Variants in PRIMA1 observed in about 807,000 individuals in gnomAD.
PRIMA1 encodes the protein proline rich membrane anchor 1.
Under a neutral mutation model 17.5 loss-of-function variants are expected in PRIMA1, and 7 were observed. That is an observed-to-expected ratio of 0.40 (90% CI 0.23 to 0.75). PRIMA1 has a LOEUF of 0.75. Among genes scored for constraint, PRIMA1 ranks in the 30% least tolerant of loss-of-function variants. PRIMA1 has a pLI of 0.37. For missense variants in PRIMA1, 200 were observed against 201.8 expected (o/e 0.99, Z 0.05); for synonymous variants, 97 against 77.9 (o/e 1.25, Z -1.29).
rs1194309188 is a variant in PRIMA1, at chr14:93,787,758, A to G, written c.-31-9T>C. The stretch of plus-strand genomic sequence containing the variant: ...CCCGCTCCTGGGGCGAACTGTCAGG[A>G]GAGCAAGGCTAGGGTCAGGCGGACA... On this transcript the variant is annotated splice_polypyrimidine_tract_variant and intron_variant, in intron 1 of 4. Coordinates refer to ENST00000393140, the MANE Select transcript of PRIMA1 (RefSeq NM_178013.4). 7.2e-6 allele frequency: 11 copies of G among 1,537,450 alleles called. No individual in the cohort carries two copies. The highest frequency in any genetic ancestry group is 9.6e-6 in the Non-Finnish European group (11 of 1,145,072).
chr14:93,731,729 A>G lies in PRIMA1; in HGVS notation c.359+5512T>C, dbSNP rs541166372. ...TGTGTGTGCTTAATCTGCCTCCTCC[A>G]GCAGGAGGAGAACAGGGACTGTCTT... is the stretch of plus-strand genomic sequence containing the variant. On this transcript the variant is annotated intron_variant, in intron 4 of 4. Coordinates refer to ENST00000393140, the MANE Select transcript of PRIMA1 (RefSeq NM_178013.4). Among the ~76,000 whole-genome samples the G allele has an allele frequency of 5.8e-4, 88 of 152,280 alleles. 1 individual carries two copies. Among genetic ancestry groups the G allele is most frequent in the African/African-American group, 1.9e-3 (80 of 41,542 alleles).
chr14:93,741,260 T>C (rs1049803657), intron 3 of PRIMA1, among the ~76,000 whole-genome samples: 1 of 152,186 alleles, frequency 6.6e-6, no homozygotes, highest in Non-Finnish European at 1.5e-5. Flanking sequence ...GAGGTGTTAT[T>C]TCAGAAAAGA....
chr14:93,764,318 A>C (rs1884824062), intron 3 of PRIMA1, among the ~76,000 whole-genome samples: 1 of 65,772 alleles, frequency 1.5e-5, no homozygotes, highest in African/African-American at 6.3e-5. Flanking sequence ...ATCGTCTCCC[A>C]TCCCAGCCCA....
At chr14:93,780,371 TTCTC>T (rs1445626617) in intron 2 of PRIMA1, among the ~76,000 whole-genome samples, 1 of 152,222 alleles carries the variant, frequency 6.6e-6, no homozygotes, top group Non-Finnish European at 1.5e-5. Flanking sequence ...GCCTTGTTCC[TTCTC>T]TCTCACTATC....
At chr14:93,768,681 T>C (rs1884963630) in intron 3 of PRIMA1, among the ~76,000 whole-genome samples, 1 of 152,090 alleles carries the variant, frequency 6.6e-6, no homozygotes, top group Admixed American at 6.5e-5. Context: ...TAAATTAAAA[T>C]ATGTATAAAC....
At chr14:93,754,004 G>A (rs1011891297) in intron 3 of PRIMA1, among the ~76,000 whole-genome samples, 43 of 152,174 alleles carry the variant, frequency 2.8e-4, no homozygotes, top group African/African-American at 9.9e-4. Context: ...CTGAGCCTTC[G>A]CTAGGGTTTG....
chr14:93,746,417 T>G (rs1021169208), intron 3 of PRIMA1, among the ~76,000 whole-genome samples: 3 of 151,406 alleles, frequency 2.0e-5, no homozygotes, highest in African/African-American at 4.9e-5. Flanking sequence ...CGGCAGGGAG[T>G]TCATCATACA....
intron 4 of PRIMA1, among the ~76,000 whole-genome samples, chr14:93,734,255 C>T (rs993086752): frequency 6.6e-6 from 1 of 152,252 alleles, no homozygotes; most frequent in Non-Finnish European, 1.5e-5. Flanking sequence ...GCCTGCTTCA[C>T]GGGCTTTCTG....
At chr14:93,776,184 T>A (rs1885217353) in intron 3 of PRIMA1, among the ~76,000 whole-genome samples, 2 of 152,180 alleles carry the variant, frequency 1.3e-5, no homozygotes, top group African/African-American at 4.8e-5. Context: ...ACCGTCATCA[T>A]TTGAGACCAT....
In PRIMA1 at chr14:93,779,233, G is replaced by GGGGGGGGGGGGGGGGGGGGGA; in HGVS notation, c.171_172insTCCCCCCCCCCCCCCCCCCCC (p.Pro57_Pro58insSerProProProProProPro). Reference sequence around the variant, plus strand: ...GGTGGGGGCGGCGGGGGCAGCGGGGGAGGGGGCCGGCACTGGCAGACGTGT... The same window carrying GGGGGGGGGGGGGGGGGGGGGA: ...GGTGGGGGCGGCGGGGGCAGCGGGGGGGGGGGGGGGGGGGGGGGGGAAGGGGGCCGGCACTGGCAGACGTGT... On this transcript the variant is annotated inframe_insertion, in exon 3 of 5. Transcript: ENST00000393140. 2.7e-6 allele frequency: 3 copies of GGGGGGGGGGGGGGGGGGGGGA among 1,094,122 alleles called. No individual in the cohort carries two copies. The highest frequency in any genetic ancestry group is 1.5e-5 in the South Asian group (1 of 64,870). 67.8% of individuals were successfully genotyped at this position (1,094,122 alleles called of 1,614,324 possible).
chr14:93,742,628 C>A (rs555954951), intron 3 of PRIMA1, among the ~76,000 whole-genome samples: 3 of 152,226 alleles, frequency 2.0e-5, no homozygotes, highest in African/African-American at 7.2e-5. Context: ...TGTGGACCCA[C>A]CCAAGGTCCA....
chr14:93,768,146 G>C (rs1320704191), intron 3 of PRIMA1, among the ~76,000 whole-genome samples: 1 of 152,042 alleles, frequency 6.6e-6, no homozygotes, highest in Non-Finnish European at 1.5e-5. Context: ...GCCGGGCCTG[G>C]ATGCGGCCTC....
At chr14:93,754,320 A>C (rs1049194474) in intron 3 of PRIMA1, among the ~76,000 whole-genome samples, 4 of 152,042 alleles carry the variant, frequency 2.6e-5, no homozygotes, top group African/African-American at 9.7e-5. Context: ...CCCAAAGTCC[A>C]TCTTCTTTCT....
At chr14:93,724,879 C>T (rs1325422242) in intron 4 of PRIMA1, among the ~76,000 whole-genome samples, 2 of 152,072 alleles carry the variant, frequency 1.3e-5, no homozygotes, top group African/African-American at 2.4e-5. Flanking sequence ...GAAATGAAGG[C>T]GGCATGGAGC....
chr14:93,752,897 C>G (rs148945667), intron 3 of PRIMA1, among the ~76,000 whole-genome samples: 87 of 152,348 alleles, frequency 5.7e-4, no homozygotes, highest in Non-Finnish European at 1.1e-3. Flanking sequence ...TCCTCAACAT[C>G]GACATCGTGG....
chr14:93,787,585 C>T, intron 2 of PRIMA1, 41 bp downstream of exon 2: 1 of 1,537,472 alleles, frequency 6.5e-7, no homozygotes, highest in Non-Finnish European at 8.7e-7. Flanking sequence ...GCCCCTTACC[C>T]AGGAGGCCCT....
At chr14:93,737,803 G>T (rs1365900518) in intron 3 of PRIMA1, among the ~76,000 whole-genome samples, 1 of 152,228 alleles carries the variant, frequency 6.6e-6, no homozygotes, top group Non-Finnish European at 1.5e-5. Flanking sequence ...CGTGCTCAGA[G>T]CAGGGGCTGA....
At chr14:93,776,089 G>A (rs1169586616) in intron 3 of PRIMA1, among the ~76,000 whole-genome samples, 5 of 152,210 alleles carry the variant, frequency 3.3e-5, no homozygotes, top group Non-Finnish European at 5.9e-5. Flanking sequence ...GGAGCCTGGA[G>A]CTACAGGAAC....
chr14:93,771,874 C>G (rs1156320605), intron 3 of PRIMA1, among the ~76,000 whole-genome samples: 1 of 152,196 alleles, frequency 6.6e-6, no homozygotes, highest in Non-Finnish European at 1.5e-5. Context: ...CTGAAGCTGC[C>G]TCTCAGCACT....
Sources: allele counts gnomAD v4.1 joint callset (sites outside exome capture counted in the v4.1 genomes callset), GRCh38; gene constraint gnomAD v4.1.1; transcripts MANE v1.5; gene names NCBI Gene and HGNC (gene_info 2026-07-23, HGNC 2026-07-21).